The following ZSWIM3 variants were observed in gnomAD, a reference collection of about 807,000 sequenced individuals.
The protein encoded by ZSWIM3 is zinc finger SWIM-type containing 3.
Under a neutral mutation model 47.5 loss-of-function variants are expected in ZSWIM3, and 27 were observed. The ratio of observed to expected loss-of-function variants is 0.57; its 90% CI spans 0.42 to 0.78. ZSWIM3 has a LOEUF of 0.78. Ranked by LOEUF, ZSWIM3 falls within the 30% of genes least tolerant of loss-of-function variation. The pLI, the probability that ZSWIM3 is intolerant of heterozygous loss-of-function variation, is 0.00. For synonymous variants in ZSWIM3, 333 were observed against 333.9 expected, an observed-to-expected ratio of 1.00 and a Z score of 0.03; for missense variants, 689 against 861.3, an observed-to-expected ratio of 0.80 and a Z score of 2.50.
intron 1 of ZSWIM3, among the ~76,000 whole-genome samples, chr20:45,858,522 G>T (rs576272707): frequency 1.3e-5 from 2 of 152,294 alleles, no homozygotes; most frequent in South Asian, 4.1e-4. Flanking sequence ...GTTGGAACTG[G>T]AGGTGCACGC....
intron 1 of ZSWIM3, among the ~76,000 whole-genome samples, chr20:45,860,031 A>G (rs909341835): frequency 5.3e-5 from 8 of 152,214 alleles, no homozygotes; most frequent in African/African-American, 1.9e-4. Flanking sequence ...GGGCCCCCAA[A>G]GATGGAGAGC....
Position 45,878,978 on chromosome 20 carries a change from T to C in ZSWIM3, c.*329T>C. On this transcript the variant is annotated 3_prime_UTR_variant, in exon 2 of 2. Coordinates refer to ENST00000255152, the MANE Select transcript of ZSWIM3 (RefSeq NM_080752.4). ...GCAAAGATGAATCCCTGCCTCAGGTTAGGGTGAGACAAAATCGGTCTGGTA... is the reference window on the plus strand; with the variant it reads ...GCAAAGATGAATCCCTGCCTCAGGTCAGGGTGAGACAAAATCGGTCTGGTA... 4.1e-6 allele frequency: 1 copy of C among 242,402 alleles called. No individual in the cohort carries two copies. 15.0% of individuals were successfully genotyped at this position (242,402 alleles called of 1,614,324 possible).
Position 45,877,780 on chromosome 20 carries a change from G to C in ZSWIM3, c.1222G>C (p.Glu408Gln). The C allele has an allele frequency of 6.2e-7, 1 of 1,614,152 alleles. No individual in the cohort carries two copies. The highest frequency in any genetic ancestry group is 1.3e-5 in the African/African-American group (1 of 75,042). Residue 408 changes from glutamate (E) to glutamine (Q), a missense_variant, in exon 2 of 2, where the codon GAA becomes CAA. Coordinates refer to ENST00000255152, the MANE Select transcript of ZSWIM3 (RefSeq NM_080752.4). ...VTSKVSSLFR[E>Q]QQSLLDCILC... ...CAGCAAGGTGTCAAGCCTCTTTCGG[G>C]AACAGCAGTCGCTGCTGGACTGCAT...
chr20:45,872,231 G>T (rs1985992069), intron 1 of ZSWIM3, among the ~76,000 whole-genome samples: 1 of 152,218 alleles, frequency 6.6e-6, no homozygotes, highest in Admixed American at 6.5e-5. Context: ...ACATGTAGCA[G>T]TGGTAGGGGA....
chr20:45,871,566 T>G (rs1195114530), intron 1 of ZSWIM3, among the ~76,000 whole-genome samples: 1 of 152,150 alleles, frequency 6.6e-6, no homozygotes, highest in Non-Finnish European at 1.5e-5. Context: ...TTGTTTAATT[T>G]CAAACATTTA....
rs769045248 is a variant in ZSWIM3, at chr20:45,878,074, G to T, written c.1516G>T (p.Ala506Ser). 6.2e-7 allele frequency: 1 copy of T among 1,614,180 alleles called. No individual in the cohort carries two copies. The highest frequency in any genetic ancestry group is 1.7e-5 in the Admixed American group (1 of 60,020). Residue 506 changes from alanine (A) to serine (S), a missense_variant, in exon 2 of 2, where the codon GCC becomes TCC. Transcript: ENST00000255152. ...CTTGCACCAGAGTGGCTCTGAACTA[G>T]CCTACAAGCTGTGCCACAATGAGTG... is the stretch of plus-strand genomic sequence containing the variant. ...DTLHQSGSEL[A>S]YKLCHNEWEV... is the part of the protein sequence containing the mutation.
chr20:45,861,785 G>A (rs1360692502), intron 1 of ZSWIM3, among the ~76,000 whole-genome samples: 1 of 151,636 alleles, frequency 6.6e-6, no homozygotes, highest in Non-Finnish European at 1.5e-5. Flanking sequence ...GTCTTGCCAT[G>A]TTGCCCAGGC....
chr20:45,878,457 C>A lies in ZSWIM3; in HGVS notation c.1899C>A (p.Thr633=), dbSNP rs774404420. 3.7e-6 allele frequency: 6 copies of A among 1,614,058 alleles called. No homozygotes were observed. In the African/African-American group the frequency reaches 8.0e-5, roughly 22 times the overall value. ...SRELANLLMQ[T]EGPELEERYS... ...AGTTAGCAAACCTGCTCATGCAGAC[C>A]GAGGGGCCAGAGCTGGAGGAACGCT... The change falls in exon 2 of 2, where the codon ACC becomes ACA. Residue 633 remains threonine (T), a synonymous_variant. Coordinates refer to ENST00000255152, the MANE Select transcript of ZSWIM3 (RefSeq NM_080752.4).
intron 1 of ZSWIM3, among the ~76,000 whole-genome samples, chr20:45,872,174 TG>T (rs1985990853): frequency 6.6e-6 from 1 of 152,206 alleles, no homozygotes; most frequent in African/African-American, 2.4e-5. Flanking sequence ...TGTAAAATGA[TG>T]CACATTGGGG....
At chr20:45,863,099 CACTT>C (rs1406713289) in intron 1 of ZSWIM3, among the ~76,000 whole-genome samples, 4 of 151,930 alleles carry the variant, frequency 2.6e-5, no homozygotes, top group Middle Eastern at 3.2e-3. Context: ...TGGCTCTTCT[CACTT>C]ACCAATATAT....
rs1986113732 is a variant in ZSWIM3, at chr20:45,877,029, G to A, written c.471G>A (p.Val157=). The change falls in exon 2 of 2, where the codon GTG becomes GTA. Residue 157 remains valine, a synonymous_variant. Coordinates refer to ENST00000255152, the MANE Select transcript of ZSWIM3 (RefSeq NM_080752.4). ...EPSFCLDKVQ[V]SSKPEQEGIT... ...CGTTTTGCCTAGATAAGGTACAAGT[G>A]TCCTCAAAGCCAGAGCAGGAAGGCA... 2 of 1,614,172 alleles carry A rather than the reference G, an allele frequency of 1.2e-6. No individual in the cohort carries two copies. Among genetic ancestry groups the A allele is most frequent in the Admixed American group, 1.7e-5 (1 of 60,026 alleles).
chr20:45,867,301 C>T (rs1024391344), intron 1 of ZSWIM3, among the ~76,000 whole-genome samples: 4 of 152,084 alleles, frequency 2.6e-5, no homozygotes, highest in Non-Finnish European at 5.9e-5. Context: ...GCCACCGCAC[C>T]TGGCCAGAAA....
At chr20:45,864,218 G>A (rs1046108862) in intron 1 of ZSWIM3, among the ~76,000 whole-genome samples, 1 of 152,190 alleles carries the variant, frequency 6.6e-6, no homozygotes. Flanking sequence ...CACCCCTGAG[G>A]ACAATAGCGG....
At chr20:45,866,832 T>G (rs1985854479) in intron 1 of ZSWIM3, among the ~76,000 whole-genome samples, 1 of 151,484 alleles carries the variant, frequency 6.6e-6, no homozygotes, top group Admixed American at 6.6e-5. Context: ...GAAAGGAAAA[T>G]GCTCGTAGCA....
chr20:45,866,015 GAAA>G (rs919086513), intron 1 of ZSWIM3, among the ~76,000 whole-genome samples: 2 of 137,960 alleles, frequency 1.4e-5, no homozygotes, highest in South Asian at 2.3e-4. Flanking sequence ...AAAAGAAAAA[GAAA>G]AAAAAAATTC....
intron 1 of ZSWIM3, chr20:45,872,776 C>T (rs1413523353): frequency 7.8e-7 from 1 of 1,289,304 alleles, no homozygotes; most frequent in Non-Finnish European, 1.0e-6. Context: ...TCCAGCCCTT[C>T]CTGGCCCAGA....
Position 45,876,864 on chromosome 20 carries a change from T to C in ZSWIM3, c.306T>C (p.His102=). 1 of 1,614,092 alleles carries C rather than the reference T, an allele frequency of 6.2e-7. No individual in the cohort carries two copies. Among genetic ancestry groups the C allele is most frequent in the Non-Finnish European group, 8.5e-7 (1 of 1,180,018 alleles). ...FISELNTQHI[H]GDSKVASPGG... is the part of the protein sequence containing the mutation. The stretch of plus-strand genomic sequence containing the variant: ...GTGAACTAAACACACAGCACATACA[T>C]GGTGACTCTAAAGTGGCTAGTCCTG... The change falls in exon 2 of 2, where the codon CAT becomes CAC. Residue 102 remains histidine (H), a synonymous_variant. Coordinates refer to ENST00000255152, the MANE Select transcript of ZSWIM3 (RefSeq NM_080752.4).
intron 1 of ZSWIM3, among the ~76,000 whole-genome samples, chr20:45,861,962 G>T (rs1342742154): frequency 1.3e-5 from 2 of 151,944 alleles, no homozygotes; most frequent in African/African-American, 4.8e-5. Flanking sequence ...CCAGGAGGCG[G>T]AGGTTGCAGT....
intron 1 of ZSWIM3, among the ~76,000 whole-genome samples, chr20:45,866,976 AAAAAT>A (rs1431041842): frequency 6.6e-6 from 1 of 151,748 alleles, no homozygotes; most frequent in Non-Finnish European, 1.5e-5. Context: ...TTCACGTCAA[AAAAAT>A]AAAATCAGAT....
Sources: allele counts gnomAD v4.1 joint callset (sites outside exome capture counted in the v4.1 genomes callset), GRCh38; gene constraint gnomAD v4.1.1; transcripts MANE v1.5; gene names NCBI Gene and HGNC (gene_info 2026-07-23, HGNC 2026-07-21).